The following INPP5A variants were observed in gnomAD, a reference collection of about 807,000 sequenced individuals.
INPP5A encodes inositol polyphosphate-5-phosphatase A.
In INPP5A, 14 loss-of-function variants were observed where a neutral mutation model predicts 65.2. The ratio of observed to expected loss-of-function variants is 0.21; its 90% confidence interval spans 0.14 to 0.34. The LOEUF is 0.34. Among genes scored for constraint, INPP5A ranks in the 10% least tolerant of loss-of-function variants. The pLI is 1.00. For synonymous variants in INPP5A, 207 were observed against 208.3 expected, an observed-to-expected ratio of 0.99 and a Z score of 0.05; for missense variants, 431 against 545.6, an observed-to-expected ratio of 0.79 and a Z score of 2.09.
At chr10:132,557,924 G>A (rs934102174) in intron 1 of INPP5A, among the ~76,000 whole-genome samples, 8 of 152,216 alleles carry the variant, frequency 5.3e-5, no homozygotes, top group Non-Finnish European at 1.0e-4. Context: ...TGCTCCCTCA[G>A]TCTGTCCCGC....
Position 132,762,216 on chromosome 10 carries a change from G to GT in INPP5A, c.904-3553dup, listed in dbSNP as rs1295189774. 2.0e-5 allele frequency among the ~76,000 whole-genome samples: 3 copies of GT among 152,166 alleles called. No homozygotes were observed. The highest frequency in any genetic ancestry group is 4.4e-5 in the Non-Finnish European group (3 of 68,032). On this transcript the variant is annotated intron_variant, in intron 11 of 15. Coordinates refer to ENST00000368594, the MANE Select transcript of INPP5A (RefSeq NM_005539.5). This position sits in a 1 kb window ranked among gnomAD's most constrained non-coding sequence, Gnocchi z 4.6. ...CACACTGGAGAGTCAATGGCTGGGC[G>GT]TTTTCCAGAATTATCCAAGACATAA...
At chr10:132,781,479 C>T (rs1197948987) in intron 14 of INPP5A, among the ~76,000 whole-genome samples, 1 of 152,264 alleles carries the variant, frequency 6.6e-6, no homozygotes, top group Non-Finnish European at 1.5e-5. Context: ...GCCCCAAACA[C>T]ACCCGGATAA....
rs1317855613 is a variant in INPP5A at position 132,587,684 on chromosome 10, T to C, written c.76-20231T>C. On this transcript the variant is annotated intron_variant, in intron 1 of 15. Coordinates refer to ENST00000368594, the MANE Select transcript of INPP5A (RefSeq NM_005539.5). The surrounding 1 kb of genome is among the most constrained non-coding windows in gnomAD (Gnocchi z 4.3). ...AGATAATTGCGTTTTGTGTATGCCATGATTTCAAAGTTATACTTGTGTTGT... is the reference window on the plus strand; with the variant it reads ...AGATAATTGCGTTTTGTGTATGCCACGATTTCAAAGTTATACTTGTGTTGT... Among the ~76,000 whole-genome samples the C allele has an allele frequency of 6.6e-6, 1 of 152,208 alleles. No individual in the cohort carries two copies. Among genetic ancestry groups the C allele is most frequent in the Non-Finnish European group, 1.5e-5 (1 of 68,030 alleles).
intron 5 of INPP5A, among the ~76,000 whole-genome samples, chr10:132,691,836 C>T (rs1845270574): frequency 6.7e-6 from 1 of 149,846 alleles, no homozygotes. Context: ...CGTGTGGTCG[C>T]GGGAGACGTG....
chr10:132,582,686 G>A (rs1468042297), intron 1 of INPP5A, among the ~76,000 whole-genome samples: 1 of 152,228 alleles, frequency 6.6e-6, no homozygotes, highest in African/African-American at 2.4e-5. Context: ...CTCCCAAAGT[G>A]CTGGGTTTAC....
chr10:132,565,296 C>G (rs1035761657), intron 1 of INPP5A, among the ~76,000 whole-genome samples: 3 of 152,146 alleles, frequency 2.0e-5, no homozygotes, highest in Admixed American at 6.5e-5. Flanking sequence ...TGACCCTAAA[C>G]AACTCAAGGA....
At chr10:132,647,232 C>T (rs926462426) in intron 3 of INPP5A, among the ~76,000 whole-genome samples, 18 of 151,916 alleles carry the variant, frequency 1.2e-4, no homozygotes, top group African/African-American at 4.4e-4. Context: ...TCTTCTGCCT[C>T]AGCCTCCCGA....
chr10:132,730,816 G>A (rs751412270), intron 9 of INPP5A, among the ~76,000 whole-genome samples: 2 of 152,188 alleles, frequency 1.3e-5, no homozygotes, highest in Non-Finnish European at 2.9e-5. Flanking sequence ...CCCCTGCAGC[G>A]GCTGCCAGGA....
At chr10:132,777,813 A>G (rs1314066984) in intron 13 of INPP5A, 31 bp downstream of exon 13, 1 of 1,608,034 alleles carries the variant, frequency 6.2e-7, no homozygotes, top group Non-Finnish European at 8.5e-7. Context: ...CCCTGGGCAC[A>G]GAGGGATGTG....
At chr10:132,660,743 CAG>C (rs1286908776) in intron 4 of INPP5A, among the ~76,000 whole-genome samples, 1 of 152,160 alleles carries the variant, frequency 6.6e-6, no homozygotes, top group Non-Finnish European at 1.5e-5. Flanking sequence ...GGGACCATTA[CAG>C]AGTTCAGGGA....
At chr10:132,558,756 T>G (rs2071161628) in intron 1 of INPP5A, among the ~76,000 whole-genome samples, 1 of 152,252 alleles carries the variant, frequency 6.6e-6, no homozygotes, top group South Asian at 2.1e-4. Context: ...CTTGACATCC[T>G]TTGCCTAAAC....
At chr10:132,729,292 G>A (rs1846040644) in intron 9 of INPP5A, among the ~76,000 whole-genome samples, 1 of 152,192 alleles carries the variant, frequency 6.6e-6, no homozygotes, top group South Asian at 2.1e-4. Context: ...GCATCACCTG[G>A]CCTGCTCCCC....
At chr10:132,544,857 C>T (rs1207143569) in intron 1 of INPP5A, among the ~76,000 whole-genome samples, 4 of 152,132 alleles carry the variant, frequency 2.6e-5, no homozygotes, top group Non-Finnish European at 2.9e-5. Context: ...TTTCATCCCC[C>T]GTTTACTTCC....
chr10:132,558,503 T>C (rs967018431), intron 1 of INPP5A, among the ~76,000 whole-genome samples: 3 of 152,214 alleles, frequency 2.0e-5, no homozygotes, highest in Non-Finnish European at 4.4e-5. Context: ...AGGCTCCCTC[T>C]GGGGGCGGGT....
intron 4 of INPP5A, among the ~76,000 whole-genome samples, chr10:132,685,177 A>G (rs534399529): frequency 1.4e-4 from 22 of 152,198 alleles, no homozygotes; most frequent in Non-Finnish European, 2.8e-4. Context: ...GTCACTGTTG[A>G]TAAGCACGGT....
At chr10:132,699,478 G>A (rs1845402461) in intron 6 of INPP5A, among the ~76,000 whole-genome samples, 2 of 152,320 alleles carry the variant, frequency 1.3e-5, no homozygotes, top group South Asian at 4.1e-4. Context: ...CTCGTCTCAG[G>A]ACCCATGTGG....
chr10:132,597,763 A>G (rs909558403), intron 1 of INPP5A, among the ~76,000 whole-genome samples: 2 of 151,204 alleles, frequency 1.3e-5, no homozygotes, highest in Admixed American at 1.3e-4. Context: ...TGCTACGTGT[A>G]GTGACCCTGG....
intron 1 of INPP5A, among the ~76,000 whole-genome samples, chr10:132,591,354 C>T (rs1415322026): frequency 7.1e-6 from 1 of 141,648 alleles, no homozygotes; most frequent in Non-Finnish European, 1.5e-5. Context: ...CTGGTTTGGG[C>T]TGGGCGGGGC....
chr10:132,758,930 G>A (rs1266312046), intron 11 of INPP5A, among the ~76,000 whole-genome samples: 1 of 152,218 alleles, frequency 6.6e-6, no homozygotes, highest in Non-Finnish European at 1.5e-5. Flanking sequence ...CTCCTGAAAA[G>A]GATCGGAAAG....
Sources: gnomAD v4.1 joint callset for allele counts (sites outside exome capture counted in the v4.1 genomes callset) on GRCh38, gnomAD v4.1.1 for gene constraint, Gnocchi (gnomAD v3.1) non-coding constraint, MANE v1.5 for transcripts, NCBI Gene and HGNC (gene_info 2026-07-23, HGNC 2026-07-21) for gene names.